CD244: variants seen among roughly 807,000 people sequenced by gnomAD.
The protein encoded by CD244 is natural killer cell receptor 2B4.
In CD244, 20 loss-of-function variants were observed where a neutral mutation model predicts 45.5. The ratio of observed to expected loss-of-function variants is 0.44; its 90% confidence interval spans 0.31 to 0.64. CD244 has a LOEUF of 0.64. CD244 is among the 30% of genes least tolerant of loss of function. The pLI, the probability that CD244 is intolerant of heterozygous loss-of-function variation, is 0.08. For synonymous variants in CD244, 185 were observed against 160.5 expected (o/e 1.15, Z -1.15); for missense variants, 407 against 426.9 (o/e 0.95, Z 0.41).
chr1:160,833,967 T>C, intron 7 of CD244, 84 bp downstream of exon 7: 4 of 950,160 alleles, frequency 4.2e-6, no homozygotes, highest in South Asian at 1.3e-5. Context: ...TGCCAGGATG[T>C]GCACACACAC....
In CD244 at chr1:160,830,580, A is replaced by G. The variant is rs1352810255; in HGVS notation, c.*767T>C. ...GGAAGCCACTTCTATGAAGAAGCCAAATGGATTTCTAACAATGCGTCTTCA... is the reference window on the plus strand; with the variant it reads ...GGAAGCCACTTCTATGAAGAAGCCAGATGGATTTCTAACAATGCGTCTTCA... On this transcript the variant is annotated 3_prime_UTR_variant, in exon 9 of 9. Transcript: ENST00000368034. 3 of 152,338 alleles carry G rather than the reference A, an allele frequency of 2.0e-5. No individual in the cohort carries two copies. Among genetic ancestry groups the G allele is most frequent in the South Asian group, 2.1e-4 (1 of 4,828 alleles). 9.4% of individuals were successfully genotyped at this position (152,338 alleles called of 1,614,324 possible). A position where few individuals can be genotyped will look rare whatever the true frequency, so the allele number is the denominator to read the frequency against.
intron 1 of CD244, among the ~76,000 whole-genome samples, chr1:160,853,064 T>C (rs544531835): frequency 6.6e-6 from 1 of 152,258 alleles, no homozygotes; most frequent in African/African-American, 2.4e-5. Context: ...ACTAAAAATA[T>C]GTACAAGAGT....
At chr1:160,854,536 C>G (rs1670035488) in intron 1 of CD244, among the ~76,000 whole-genome samples, 1 of 150,168 alleles carries the variant, frequency 6.7e-6, no homozygotes, top group African/African-American at 2.5e-5. Context: ...GTGCCTGCCA[C>G]CACCCCCAGC....
At position 160,834,630 on chromosome 1, in the gene CD244, C is replaced by T. The variant is rs956264663; in HGVS notation, c.895-514G>A. ...CCTCCCAAAGTGTTGGGATTACAGG[C>T]ATGAGCCACCGCGCCTGGCCTCTTC... On this transcript the variant is annotated intron_variant, in intron 6 of 8. Transcript: ENST00000368034. Among the ~76,000 whole-genome samples the T allele has an allele frequency of 2.0e-5, 3 of 152,358 alleles. No homozygotes were observed. In the East Asian group the frequency reaches 5.8e-4, roughly 29 times the overall value.
rs1455637281 is a variant in CD244 at position 160,862,853 on chromosome 1, G to A, written c.-176C>T. The A allele has an allele frequency of 1.1e-5, 6 of 523,294 alleles. No individual in the cohort carries two copies. Among genetic ancestry groups the A allele is most frequent in the Non-Finnish European group, 2.0e-5 (6 of 296,040 alleles). 32.4% of individuals were successfully genotyped at this position (523,294 alleles called of 1,614,324 possible). A position where few individuals can be genotyped will look rare whatever the true frequency, so the allele number is the denominator to read the frequency against. On this transcript the variant is annotated 5_prime_UTR_variant, in exon 1 of 9. Transcript: ENST00000368034. ...TTAACGCCTGCTGTGAGCTGACAAGGCCACTGAGAAAGCCCCAGCGCCTGG... is the reference window on the plus strand; with the variant it reads ...TTAACGCCTGCTGTGAGCTGACAAGACCACTGAGAAAGCCCCAGCGCCTGG...
chr1:160,838,664 C>A, intron 4 of CD244, 146 bp from the exon 5 acceptor site: 1 of 674,048 alleles, frequency 1.5e-6, no homozygotes, highest in South Asian at 1.7e-5. Context: ...CCAGGAACCC[C>A]AAAGAGCACA....
intron 1 of CD244, among the ~76,000 whole-genome samples, chr1:160,855,581 C>T (rs1418885899): frequency 6.6e-6 from 1 of 152,264 alleles, no homozygotes; most frequent in Non-Finnish European, 1.5e-5. Flanking sequence ...AATGCTACTA[C>T]GAAAACATAA....
chr1:160,839,358 T>C (rs1669453336), intron 3 of CD244, among the ~76,000 whole-genome samples: 1 of 152,202 alleles, frequency 6.6e-6, no homozygotes, highest in Admixed American at 6.5e-5. Context: ...TCAGAGCCTC[T>C]TAGATTTTCT....
At chr1:160,859,177 G>A (rs7412693) in intron 1 of CD244, among the ~76,000 whole-genome samples, 45,300 of 151,772 alleles carry the variant, frequency 0.3, 8,118 homozygotes, top group African/African-American at 0.5. Flanking sequence ...TGAGGGAAGA[G>A]GCCATGTAGC....
At chr1:160,852,076 AT>A (rs1222796446) in intron 1 of CD244, among the ~76,000 whole-genome samples, 3 of 152,300 alleles carry the variant, frequency 2.0e-5, no homozygotes, top group Middle Eastern at 6.8e-3. Flanking sequence ...ACTGATGACA[AT>A]AATAGACTGG....
intron 1 of CD244, among the ~76,000 whole-genome samples, chr1:160,859,165 G>GT (rs904387993): frequency 1.3e-5 from 2 of 152,168 alleles, no homozygotes; most frequent in Admixed American, 1.3e-4. Context: ...ACTCTGAGGG[G>GT]TTGAGGGAAG....
chr1:160,832,630 C>T, intron 7 of CD244, 55 bp from the exon 8 acceptor site: 2 of 1,606,354 alleles, frequency 1.2e-6, no homozygotes, highest in Non-Finnish European at 1.7e-6. Context: ...CTCTCCCACT[C>T]CTAAGTGATG....
At chr1:160,853,392 A>G (rs1179705309) in intron 1 of CD244, among the ~76,000 whole-genome samples, 1 of 152,174 alleles carries the variant, frequency 6.6e-6, no homozygotes, top group Non-Finnish European at 1.5e-5. Flanking sequence ...TGAAGGGCCA[A>G]AAAGGAATGA....
chr1:160,839,994 G>A (rs1338304919), intron 3 of CD244, among the ~76,000 whole-genome samples: 1 of 152,112 alleles, frequency 6.6e-6, no homozygotes, highest in African/African-American at 2.4e-5. Flanking sequence ...GGGCTGACAA[G>A]GCTCTTTGCA....
intron 1 of CD244, chr1:160,848,245 T>C: frequency 1.8e-6 from 1 of 557,168 alleles, no homozygotes; most frequent in Non-Finnish European, 3.5e-6. Context: ...AGTTCATCTA[T>C]GGGGTGAAAT....
chr1:160,832,266 G>T (rs113913196), intron 8 of CD244, among the ~76,000 whole-genome samples: 1 of 151,926 alleles, frequency 6.6e-6, no homozygotes, highest in Non-Finnish European at 1.5e-5. Context: ...GCTCGGGGAC[G>T]GCCCTAATTT....
Position 160,834,104 on chromosome 1 carries a change from T to C in CD244, c.907A>G (p.Thr303Ala), listed in dbSNP as rs754083936. The change falls in exon 7 of 9, where the codon ACG (threonine) becomes GCG (alanine). Residue 303 changes from threonine (T) to alanine (A), a missense_variant. Transcript: ENST00000368034. ...AATGTATATGCAGGTTCTTGTGACG[T>C]GGGAGCAGAAGACTAATGAGAAGAG... ...SMIQSQSSAP[T>A]SQEPAYTLYS... 1.2e-6 allele frequency: 2 copies of C among 1,607,910 alleles called. No homozygotes were observed. The highest frequency in any genetic ancestry group is 1.7e-5 in the Admixed American group (1 of 59,980).
At position 160,862,778 on chromosome 1, in the gene CD244, C is replaced by A; in HGVS notation, c.-101G>T. 2 of 1,019,334 alleles carry A rather than the reference C, an allele frequency of 2.0e-6. No homozygotes were observed. Among genetic ancestry groups the A allele is most frequent in the Non-Finnish European group, 1.5e-6 (1 of 675,660 alleles). 63.1% of individuals were successfully genotyped at this position (1,019,334 alleles called of 1,614,324 possible). On this transcript the variant is annotated 5_prime_UTR_variant, in exon 1 of 9. Coordinates refer to ENST00000368034, the MANE Select transcript of CD244 (RefSeq NM_016382.4). ...CAGTCAGCAAGAGGACGATGGGGAG[C>A]AGAACTGCCTTGCAACCTGTCCAGC...
intron 1 of CD244, among the ~76,000 whole-genome samples, chr1:160,858,867 A>C (rs1406423260): frequency 6.6e-6 from 1 of 152,218 alleles, no homozygotes; most frequent in Admixed American, 6.5e-5. Flanking sequence ...TATTGTGAAA[A>C]TAAGTATCTA....
Sources: gnomAD v4.1 joint callset for allele counts (sites outside exome capture counted in the v4.1 genomes callset) on GRCh38, gnomAD v4.1.1 for gene constraint, MANE v1.5 for transcripts, NCBI Gene and HGNC (gene_info 2026-07-23, HGNC 2026-07-21) for gene names.